PPM1L: variants seen among roughly 807,000 people sequenced by gnomAD.
PPM1L encodes protein phosphatase 1L.
PPM1L carries 13 observed loss-of-function variants against 31.4 expected under a neutral mutation model. The observed-to-expected ratio is 0.41, with a 90% CI of 0.27 to 0.66. The LOEUF (loss-of-function observed/expected upper bound fraction) is 0.66, where lower values mean the gene tolerates loss of function less well. PPM1L is among the 30% of genes least tolerant of loss of function. PPM1L has a pLI of 0.29. For synonymous variants in PPM1L, 184 were observed against 175.4 expected (o/e 1.05, Z -0.39); for missense variants, 326 against 453.7 (o/e 0.72, Z 2.56).
At chr3:160,834,471 A>T (rs111613482) in intron 1 of PPM1L, among the ~76,000 whole-genome samples, 1 of 139,066 alleles carries the variant, frequency 7.2e-6, no homozygotes, top group Non-Finnish European at 1.6e-5. Flanking sequence ...GTGTATGTGT[A>T]TGTGTGTGTG....
chr3:160,908,201 C>T (rs1007113745), intron 1 of PPM1L, among the ~76,000 whole-genome samples: 5 of 152,122 alleles, frequency 3.3e-5, no homozygotes, highest in African/African-American at 1.2e-4. Context: ...ACAATCAAGT[C>T]TTCAAGAAAC....
chr3:160,909,434 A>C (rs1560147629), intron 1 of PPM1L, among the ~76,000 whole-genome samples: 2 of 152,182 alleles, frequency 1.3e-5, no homozygotes, highest in Admixed American at 6.5e-5. Context: ...AAGTTAACAA[A>C]TTCGATTTTA....
chr3:160,786,219 T>A (rs1427734316), intron 1 of PPM1L, among the ~76,000 whole-genome samples: 22 of 114,196 alleles, frequency 1.9e-4, no homozygotes, highest in African/African-American at 7.6e-4. Context: ...TTTTTTTTTT[T>A]TTTTTTTTTT....
rs146757762 is a variant in PPM1L at position 160,981,326 on chromosome 3, G to T, written c.574+19416G>T. Among the ~76,000 whole-genome samples, 519 of 152,178 alleles carry T rather than the reference G, an allele frequency of 3.4e-3. 1 individual carries two copies. Among genetic ancestry groups the T allele is most frequent in the African/African-American group, 0.012 (503 of 41,508 alleles). ...GGAGCAGTCTCTGAAGATTTAACTG[G>T]GGCTGTTCTGCTTCTGAATATACTC... On this transcript the variant is annotated intron_variant, in intron 2 of 3. Coordinates refer to ENST00000498165, the MANE Select transcript of PPM1L (RefSeq NM_139245.4).
chr3:161,009,757 G>A (rs1423132779), intron 2 of PPM1L, among the ~76,000 whole-genome samples: 1 of 152,050 alleles, frequency 6.6e-6, no homozygotes, highest in Non-Finnish European at 1.5e-5. Flanking sequence ...ACTAGGAAGT[G>A]ATAAAAGCAA....
intron 1 of PPM1L, among the ~76,000 whole-genome samples, chr3:160,764,715 C>A (rs1018691242): frequency 3.3e-5 from 5 of 152,046 alleles, no homozygotes; most frequent in African/African-American, 4.8e-5. Flanking sequence ...CAATCTGCCC[C>A]CCTCGGCCTC....
chr3:160,835,698 A>C (rs1054072394), intron 1 of PPM1L, among the ~76,000 whole-genome samples: 17 of 152,038 alleles, frequency 1.1e-4, no homozygotes, highest in Admixed American at 3.9e-4. Context: ...TGTATTGACC[A>C]TGTTGCCATC....
At chr3:160,823,152 A>G (rs1338828619) in intron 1 of PPM1L, among the ~76,000 whole-genome samples, 5 of 152,046 alleles carry the variant, frequency 3.3e-5, no homozygotes, top group African/African-American at 1.2e-4. Flanking sequence ...TTGCCAGGGT[A>G]GCTTTTGTTG....
intron 1 of PPM1L, among the ~76,000 whole-genome samples, chr3:160,823,042 G>A (rs1713248839): frequency 6.6e-6 from 1 of 151,942 alleles, no homozygotes; most frequent in African/African-American, 2.4e-5. Context: ...TGCTCACAAA[G>A]AGATAGAACT....
intron 1 of PPM1L, among the ~76,000 whole-genome samples, chr3:160,799,734 T>C (rs1712368420): frequency 6.6e-6 from 1 of 152,184 alleles, no homozygotes; most frequent in Admixed American, 6.5e-5. Flanking sequence ...GGCTTGCCCC[T>C]TTTCTTTCTT....
intron 1 of PPM1L, among the ~76,000 whole-genome samples, chr3:160,923,991 T>A (rs1451860462): frequency 6.6e-6 from 1 of 152,234 alleles, no homozygotes; most frequent in South Asian, 2.1e-4. Flanking sequence ...GTGTGCCCCC[T>A]TTAGAGAAGT....
intron 1 of PPM1L, among the ~76,000 whole-genome samples, chr3:160,860,795 C>T (rs1294705203): frequency 6.6e-6 from 1 of 152,166 alleles, no homozygotes; most frequent in Non-Finnish European, 1.5e-5. Context: ...TCCTACTTTG[C>T]AGGTGGCTGC....
rs559289946 is a variant in PPM1L, at chr3:160,861,469, A to C, written c.400-100267A>C. Among the ~76,000 whole-genome samples the C allele has an allele frequency of 3.9e-5, 6 of 152,344 alleles. No individual in the cohort carries two copies. The East Asian group carries it at 7.7e-4, about 20-fold the overall frequency. On this transcript the variant is annotated intron_variant, in intron 1 of 3. Transcript: ENST00000498165. ...TGCCAATTGCTCTTAAAGGCATTATAGTGTAATTATTTATTTAGAACATGA... is the reference window on the plus strand; with the variant it reads ...TGCCAATTGCTCTTAAAGGCATTATCGTGTAATTATTTATTTAGAACATGA...
chr3:161,034,926 C>A (rs1219600813), intron 2 of PPM1L, among the ~76,000 whole-genome samples: 3 of 151,946 alleles, frequency 2.0e-5, no homozygotes, highest in Non-Finnish European at 4.4e-5. Flanking sequence ...GAGTTCATGT[C>A]CTTTGCAGGG....
chr3:160,846,232 G>A lies in PPM1L; in HGVS notation c.399+89525G>A, dbSNP rs944081540. On this transcript the variant is annotated intron_variant, in intron 1 of 3. Transcript: ENST00000498165. ...TTCAAGTCTTTTTGTCTGGATCTTT[G>A]TTCATTCATGGCTTTTATTAGGTTT... is the stretch of plus-strand genomic sequence containing the variant. 3.3e-5 allele frequency among the ~76,000 whole-genome samples: 5 copies of A among 151,972 alleles called. No homozygotes were observed. In the South Asian group the frequency reaches 8.3e-4, roughly 25 times the overall value.
intron 2 of PPM1L, among the ~76,000 whole-genome samples, chr3:160,979,351 A>G (rs1451650608): frequency 6.6e-6 from 1 of 151,976 alleles, no homozygotes; most frequent in South Asian, 2.1e-4. Context: ...TCTCATCCCC[A>G]TGGTGCACTC....
At position 160,933,407 on chromosome 3, in the gene PPM1L, G is replaced by A. The variant is rs116288645; in HGVS notation, c.400-28329G>A. ...TAAAAATGAAATTGAAACAAAAATA[G>A]GGTAAGCATAAAGGTATCTTCAGAC... is the stretch of plus-strand genomic sequence containing the variant. On this transcript the variant is annotated intron_variant, in intron 1 of 3. Transcript: ENST00000498165. 4.8e-3 allele frequency among the ~76,000 whole-genome samples: 725 copies of A among 152,220 alleles called. 7 individuals are homozygous for A. The highest frequency in any genetic ancestry group is 0.016 in the African/African-American group (663 of 41,546).
At chr3:160,952,986 A>G (rs1267542320) in intron 1 of PPM1L, among the ~76,000 whole-genome samples, 1 of 152,190 alleles carries the variant, frequency 6.6e-6, no homozygotes, top group Non-Finnish European at 1.5e-5. Flanking sequence ...AAATTGTGAA[A>G]TTTGAGGGGT....
intron 1 of PPM1L, among the ~76,000 whole-genome samples, chr3:160,881,974 T>G (rs1294168083): frequency 6.6e-6 from 1 of 151,200 alleles, no homozygotes; most frequent in African/African-American, 2.4e-5. Context: ...TGGTGTGAAC[T>G]CGGGAAGCGG....
Sources: gnomAD v4.1 joint callset for allele counts (sites outside exome capture counted in the v4.1 genomes callset) on GRCh38, gnomAD v4.1.1 for gene constraint, MANE v1.5 for transcripts, NCBI Gene and HGNC (gene_info 2026-07-23, HGNC 2026-07-21) for gene names.